The following UBE2H variants were observed in gnomAD, a reference collection of about 807,000 sequenced individuals.
UBE2H encodes the protein ubiquitin-conjugating enzyme E2 H.
Under a neutral mutation model 29.0 loss-of-function variants are expected in UBE2H, and 3 were observed. That is an observed-to-expected ratio of 0.10 (90% CI 0.05 to 0.27). The LOEUF (loss-of-function observed/expected upper bound fraction) is 0.27, where lower values mean the gene tolerates loss of function less well. Ranked by LOEUF, UBE2H falls within the 10% of genes least tolerant of loss-of-function variation. UBE2H has a pLI of 1.00. For synonymous variants in UBE2H, 69 were observed against 82.9 expected (o/e 0.83, Z 0.91); for missense variants, 68 against 228.2 (o/e 0.30, Z 4.52).
intron 3 of UBE2H, among the ~76,000 whole-genome samples, chr7:129,877,413 A>G (rs1427322424): frequency 6.6e-6 from 1 of 152,198 alleles, no homozygotes; most frequent in Non-Finnish European, 1.5e-5. Context: ...TAAGTGAGCC[A>G]CAACCTTTCT....
At chr7:129,837,677 A>T (rs1237411252) in intron 6 of UBE2H, among the ~76,000 whole-genome samples, 1 of 152,062 alleles carries the variant, frequency 6.6e-6, no homozygotes. Context: ...GAAATGAGGA[A>T]GGGTGTCTCT....
intron 1 of UBE2H, among the ~76,000 whole-genome samples, chr7:129,940,387 A>T (rs1807617645): frequency 6.6e-6 from 1 of 152,170 alleles, no homozygotes; most frequent in Non-Finnish European, 1.5e-5. Flanking sequence ...CTAAATATGG[A>T]TCCTCCAAGT....
chr7:129,944,885 A>T (rs1807731633), intron 1 of UBE2H, among the ~76,000 whole-genome samples: 1 of 152,186 alleles, frequency 6.6e-6, no homozygotes, highest in Admixed American at 6.6e-5. Flanking sequence ...CCCAAATGCC[A>T]CCAAGCATTA....
At chr7:129,932,401 G>A (rs1388673973) in intron 1 of UBE2H, among the ~76,000 whole-genome samples, 1 of 151,930 alleles carries the variant, frequency 6.6e-6, no homozygotes, top group East Asian at 1.9e-4. Flanking sequence ...GGGATTATAG[G>A]CGTGAGGCAC....
intron 1 of UBE2H, among the ~76,000 whole-genome samples, chr7:129,903,027 GGCTCCCTGCTCT>G (rs1374220542): frequency 1.3e-5 from 2 of 152,224 alleles, no homozygotes; most frequent in African/African-American, 4.8e-5. Flanking sequence ...TACTCACTGT[GGCTCCCTGCTCT>G]GCATTTGGCT....
rs895959557 is a variant in UBE2H at position 129,831,371 on chromosome 7, G to A, written c.*3566C>T. On this transcript the variant is annotated 3_prime_UTR_variant, in exon 7 of 7. Transcript: ENST00000355621. Reference sequence around the variant, plus strand: ...ACATGCCATTTAAAATCAAACACTAGTTCCCAGAGACTTGGTGTCCAGAAA... The same window carrying A: ...ACATGCCATTTAAAATCAAACACTAATTCCCAGAGACTTGGTGTCCAGAAA... The A allele has an allele frequency of 5.3e-5, 8 of 152,210 alleles. No individual in the cohort carries two copies. Among genetic ancestry groups the A allele is most frequent in the African/African-American group, 1.7e-4 (7 of 41,452 alleles). The allele number at this position is 152,210 out of a possible 1,614,324, so 9.4% of individuals were successfully genotyped here.
rs565301113 is a variant in UBE2H at position 129,919,597 on chromosome 7, C to T, written c.53+32906G>A. Among the ~76,000 whole-genome samples, 4 of 152,344 alleles carry T rather than the reference C, an allele frequency of 2.6e-5. No homozygotes were observed. The South Asian group carries it at 6.2e-4, about 24-fold the overall frequency. ...CCACAGCTCTCTGAAAATGCCCACT[C>T]ATCTTTCAAGACCAAGGTCAAACTT... On this transcript the variant is annotated intron_variant, in intron 1 of 6. Coordinates refer to ENST00000355621, the MANE Select transcript of UBE2H (RefSeq NM_003344.4).
At chr7:129,943,527 TG>T (rs202108746) in intron 1 of UBE2H, among the ~76,000 whole-genome samples, 19,404 of 151,642 alleles carry the variant, frequency 0.13, 1,537 homozygotes, top group East Asian at 0.3. Context: ...GAGGTTGCAG[TG>T]AGTTGAAATC....
intron 1 of UBE2H, among the ~76,000 whole-genome samples, chr7:129,942,968 G>A (rs1005867472): frequency 1.3e-5 from 2 of 151,938 alleles, no homozygotes; most frequent in African/African-American, 2.4e-5. Context: ...TCAGCCTCCT[G>A]AGTAGCTGGG....
At chr7:129,949,101 C>A (rs368511510) in intron 1 of UBE2H, 1 of 449,618 alleles carries the variant, frequency 2.2e-6, no homozygotes, top group African/African-American at 2.0e-5. Context: ...CAGCAGGGGC[C>A]ACTGGTTCAC....
chr7:129,836,888 A>AAAAAAAAAAAAAC (rs1805339050), intron 6 of UBE2H, among the ~76,000 whole-genome samples: 1 of 59,042 alleles, frequency 1.7e-5, no homozygotes, highest in Non-Finnish European at 3.8e-5. Flanking sequence ...TCAAAAAAAA[A>AAAAAAAAAAAAAC]AAAAAAAAAA....
intron 3 of UBE2H, among the ~76,000 whole-genome samples, chr7:129,861,015 A>T (rs1265906326): frequency 1.3e-5 from 2 of 152,162 alleles, no homozygotes; most frequent in Non-Finnish European, 2.9e-5. Flanking sequence ...TGAGGTCAGG[A>T]GTTCAAGACC....
At chr7:129,938,056 C>A (rs1807566174) in intron 1 of UBE2H, among the ~76,000 whole-genome samples, 1 of 152,034 alleles carries the variant, frequency 6.6e-6, no homozygotes, top group African/African-American at 2.4e-5. Flanking sequence ...CCTGTCAAAA[C>A]TACTACACAT....
intron 1 of UBE2H, among the ~76,000 whole-genome samples, chr7:129,941,043 C>T (rs1299276807): frequency 2.6e-5 from 4 of 152,124 alleles, no homozygotes; most frequent in African/African-American, 4.8e-5. Context: ...CAACCTCCAC[C>T]TCCCGGGTTC....
rs781253458 is a variant in UBE2H, at chr7:129,835,106, G to A, written c.428-45C>T. ...GACAACAAGGGCAGTGAGTGGGCAG[G>A]CATGTGCTTTGGCGACCCCAAAAAG... On this transcript the variant is annotated intron_variant, in intron 6 of 6. Coordinates refer to ENST00000355621, the MANE Select transcript of UBE2H (RefSeq NM_003344.4). 5 of 1,611,470 alleles carry A rather than the reference G, an allele frequency of 3.1e-6. No individual in the cohort carries two copies. The Admixed American group carries it at 6.7e-5, about 22-fold the overall frequency.
chr7:129,893,915 T>C (rs1263113301), intron 1 of UBE2H, among the ~76,000 whole-genome samples: 1 of 152,214 alleles, frequency 6.6e-6, no homozygotes, highest in Non-Finnish European at 1.5e-5. Flanking sequence ...TCCCGGCACT[T>C]TGGGAGGCCG....
chr7:129,864,788 G>A (rs1005734841), intron 3 of UBE2H, among the ~76,000 whole-genome samples: 3 of 151,776 alleles, frequency 2.0e-5, no homozygotes, highest in East Asian at 1.9e-4. Flanking sequence ...TCCTGACCTC[G>A]TGATCCACCC....
chr7:129,937,648 T>TAGC (rs1389107458), intron 1 of UBE2H, among the ~76,000 whole-genome samples: 2 of 152,214 alleles, frequency 1.3e-5, no homozygotes, highest in African/African-American at 4.8e-5. Context: ...GACAGCACTT[T>TAGC]AGCTGCCTTT....
chr7:129,855,340 T>C (rs1367502150), intron 5 of UBE2H, among the ~76,000 whole-genome samples: 2 of 152,254 alleles, frequency 1.3e-5, no homozygotes, highest in African/African-American at 2.4e-5. Flanking sequence ...TATTTTGATA[T>C]GTACATTTTT....
Sources: allele counts gnomAD v4.1 joint callset (sites outside exome capture counted in the v4.1 genomes callset), GRCh38; gene constraint gnomAD v4.1.1; transcripts MANE v1.5; gene names NCBI Gene and HGNC (gene_info 2026-07-23, HGNC 2026-07-21).